The following DGKG variants were observed in gnomAD, a reference collection of about 807,000 sequenced individuals.
DGKG encodes DAG kinase gamma.
A neutral mutation model predicts 105.3 loss-of-function variants in DGKG; 78 were observed. The ratio of observed to expected loss-of-function variants is 0.74; its 90% CI spans 0.62 to 0.89. DGKG has a LOEUF of 0.89. Ranked by LOEUF, DGKG falls within the 40% of genes least tolerant of loss-of-function variation. DGKG has a pLI of 0.00. For synonymous variants in DGKG, 346 were observed against 367.1 expected (o/e 0.94, Z 0.66); for missense variants, 958 against 1,020.1 (o/e 0.94, Z 0.83).
intron 19 of DGKG, 135 bp from the exon 20 acceptor site, chr3:186,242,703 G>T: frequency 4.5e-6 from 3 of 673,084 alleles, no homozygotes; most frequent in Non-Finnish European, 7.3e-6. Context: ...GGGGCTCCAG[G>T]TCACATCCGC....
chr3:186,285,060 C>T (rs1486114289), intron 6 of DGKG, among the ~76,000 whole-genome samples: 1 of 152,178 alleles, frequency 6.6e-6, no homozygotes, highest in East Asian at 1.9e-4. Context: ...AATTTTTCTT[C>T]TATTGAGCAT....
intron 1 of DGKG, among the ~76,000 whole-genome samples, chr3:186,324,704 C>G (rs1213717194): frequency 1.3e-5 from 2 of 152,144 alleles, no homozygotes; most frequent in African/African-American, 4.8e-5. Flanking sequence ...ACTGGTGAGG[C>G]TTTGGAGAAA....
At chr3:186,320,764 A>C in intron 1 of DGKG, 57 bp from the exon 2 acceptor site, 1 of 297,510 alleles carries the variant, frequency 3.4e-6, no homozygotes, top group Non-Finnish European at 6.2e-6. Context: ...AAAGGCCCCA[A>C]ATGTTCTTTG....
At position 186,173,065 on chromosome 3, in the gene DGKG, G is replaced by C. The variant is rs571019094; in HGVS notation, c.2096-8047C>G. Among the ~76,000 whole-genome samples the C allele has an allele frequency of 2.6e-5, 4 of 152,332 alleles. No homozygotes were observed. In the South Asian group the frequency reaches 8.3e-4, roughly 32 times the overall value. ...CACAGGGCCATTCCTCCATGCATAT[G>C]GACCTTGGTGTTTCTCTGTGTTTCC... On this transcript the variant is annotated intron_variant, in intron 22 of 24. Coordinates refer to ENST00000265022, the MANE Select transcript of DGKG (RefSeq NM_001346.3).
rs745712954 is a variant in DGKG at position 186,279,868 on chromosome 3, G to A, written c.775C>T (p.Leu259=). The change falls in exon 9 of 25, where the codon CTG becomes TTG. Residue 259 remains leucine, a synonymous_variant. Coordinates refer to ENST00000265022, the MANE Select transcript of DGKG (RefSeq NM_001346.3). ...GMTTIPLLVL[L]GMDDSGSKGD... The stretch of plus-strand genomic sequence containing the variant: ...TGACTTACAGAGTCATCCATCCCCA[G>A]GAGGACCAGCAATGGGATGGTGGTC... 6.2e-7 allele frequency: 1 copy of A among 1,613,808 alleles called. No individual in the cohort carries two copies. The highest frequency in any genetic ancestry group is 8.5e-7 in the Non-Finnish European group (1 of 1,179,890).
chr3:186,317,856 G>A (rs1215615039), intron 2 of DGKG, among the ~76,000 whole-genome samples: 1 of 152,124 alleles, frequency 6.6e-6, no homozygotes, highest in East Asian at 1.9e-4. Flanking sequence ...TGGATCCCTG[G>A]AGCCTGGCAC....
At chr3:186,267,916 CCG>C in intron 12 of DGKG, 139 bp from the exon 13 acceptor site, 2 of 733,686 alleles carry the variant, frequency 2.7e-6, no homozygotes, top group African/African-American at 3.4e-5. Flanking sequence ...GACAGTATTG[CCG>C]TGTGTGTGTG....
intron 20 of DGKG, among the ~76,000 whole-genome samples, chr3:186,229,497 T>TGCCTCC (rs1720029556): frequency 6.6e-6 from 1 of 152,062 alleles, no homozygotes; most frequent in Non-Finnish European, 1.5e-5. Flanking sequence ...CGCCTGCCTC[T>TGCCTCC]GCCTCCCAAA....
chr3:186,337,053 C>T (rs1243121644), intron 1 of DGKG, among the ~76,000 whole-genome samples: 1 of 152,124 alleles, frequency 6.6e-6, no homozygotes, highest in Non-Finnish European at 1.5e-5. Flanking sequence ...TTCTAAGAGT[C>T]ATCAAAAAAC....
At chr3:186,197,375 A>C (rs142416297) in intron 21 of DGKG, among the ~76,000 whole-genome samples, 3 of 152,198 alleles carry the variant, frequency 2.0e-5, no homozygotes, top group African/African-American at 7.2e-5. Flanking sequence ...ATAGACCCTA[A>C]AAGGCAGAGG....
intron 2 of DGKG, among the ~76,000 whole-genome samples, chr3:186,317,609 G>T (rs1229008795): frequency 6.6e-6 from 1 of 152,100 alleles, no homozygotes; most frequent in African/African-American, 2.4e-5. Flanking sequence ...CCCTGCCCTT[G>T]CCCAAGCCAC....
intron 21 of DGKG, among the ~76,000 whole-genome samples, chr3:186,211,204 G>A (rs1719024192): frequency 6.6e-6 from 1 of 152,196 alleles, no homozygotes; most frequent in Non-Finnish European, 1.5e-5. Context: ...AAATTATCAA[G>A]GATTTCAAGA....
At position 186,258,545 on chromosome 3, in the gene DGKG, A is replaced by G. The variant is rs73885819; in HGVS notation, c.1425-606T>C. 5.8e-3 allele frequency among the ~76,000 whole-genome samples: 882 copies of G among 152,298 alleles called. 6 individuals carry two copies. Among genetic ancestry groups the G allele is most frequent in the African/African-American group, 0.021 (854 of 41,552 alleles). On this transcript the variant is annotated intron_variant, in intron 16 of 24. Coordinates refer to ENST00000265022, the MANE Select transcript of DGKG (RefSeq NM_001346.3). ...CTAAGCTCAAACTGAAATTAGTAGTATTTCCTTCAATTCAGCATGTAGGCA... is the reference window on the plus strand; with the variant it reads ...CTAAGCTCAAACTGAAATTAGTAGTGTTTCCTTCAATTCAGCATGTAGGCA...
chr3:186,150,002 ATG>A lies in DGKG; in HGVS notation c.*86_*87del, dbSNP rs1202006080. ...AGTGTGTATGTGTGTGTGTGTGTGC[ATG>A]TGTGAGTGTGCACATAAATTGTGTG... On this transcript the variant is annotated 3_prime_UTR_variant, in exon 25 of 25. Transcript: ENST00000265022. The A allele has an allele frequency of 9.9e-6, 15 of 1,510,936 alleles. No homozygotes were observed. The highest frequency in any genetic ancestry group is 5.3e-6 in the Non-Finnish European group (6 of 1,129,570). 93.6% of individuals were successfully genotyped at this position (1,510,936 alleles called of 1,614,324 possible).
chr3:186,174,498 CGGTAAAGAGCAGAGAGAT>C (rs1399591666), intron 22 of DGKG, among the ~76,000 whole-genome samples: 1 of 152,200 alleles, frequency 6.6e-6, no homozygotes, highest in East Asian at 1.9e-4. Flanking sequence ...GGCAGAGAGA[CGGTAAAGAGCAGAGAGAT>C]TATGACCTTG....
chr3:186,251,767 T>C lies in DGKG; in HGVS notation c.1753A>G (p.Ile585Val), dbSNP rs143160535. 12 of 1,613,926 alleles carry C rather than the reference T, an allele frequency of 7.4e-6. No individual in the cohort carries two copies. The highest frequency in any genetic ancestry group is 4.0e-5 in the African/African-American group (3 of 74,902). ...ATCTTTGACCAACTCACCACACCAA[T>C]GGAGAAATAGTTGTTCATGATGCTG... is the stretch of plus-strand genomic sequence containing the variant. ...PYSIMNNYFS[I>V]GVDASIAHRF... is the part of the protein sequence containing the mutation. Residue 585 changes from isoleucine to valine, a missense_variant, in exon 19 of 25, where the codon ATT becomes GTT. Ile to Val is a conservative substitution (Grantham distance 29). Coordinates refer to ENST00000265022, the MANE Select transcript of DGKG (RefSeq NM_001346.3).
At chr3:186,286,552 A>G (rs1723078831) in intron 6 of DGKG, among the ~76,000 whole-genome samples, 1 of 152,242 alleles carries the variant, frequency 6.6e-6, no homozygotes, top group Non-Finnish European at 1.5e-5. Context: ...TATCAATGAT[A>G]GTTGTTATTA....
chr3:186,149,766 T>G lies in DGKG; in HGVS notation c.*324A>C. 1 of 1,062,772 alleles carries G rather than the reference T, an allele frequency of 9.4e-7. No individual in the cohort carries two copies. Among genetic ancestry groups the G allele is most frequent in the Admixed American group, 5.3e-5 (1 of 18,900 alleles). The allele number at this position is 1,062,772 out of a possible 1,614,324, so 65.8% of individuals were successfully genotyped here. On this transcript the variant is annotated 3_prime_UTR_variant, in exon 25 of 25. Coordinates refer to ENST00000265022, the MANE Select transcript of DGKG (RefSeq NM_001346.3). ...CAGGGCTGGTAGAAAGAAAGGGGGA[T>G]TTCCCTTCAGTCTCAGAAAATTCTG... is the stretch of plus-strand genomic sequence containing the variant.
At chr3:186,261,629 C>T in intron 15 of DGKG, 70 bp downstream of exon 15, 1 of 1,122,312 alleles carries the variant, frequency 8.9e-7, no homozygotes, top group Non-Finnish European at 1.3e-6. Context: ...TGCTGTGTTC[C>T]TGCCAAGGGG....
Sources: gnomAD v4.1 joint callset for allele counts (sites outside exome capture counted in the v4.1 genomes callset) on GRCh38, gnomAD v4.1.1 for gene constraint, MANE v1.5 for transcripts, NCBI Gene and HGNC (gene_info 2026-07-23, HGNC 2026-07-21) for gene names.